The following OPRM1 variants were observed in gnomAD, a reference collection of about 807,000 sequenced individuals.
OPRM1 encodes opioid receptor mu 1, also known as mu-type opioid receptor.
OPRM1 carries 27 observed loss-of-function variants against 31.8 expected under a neutral mutation model. The ratio of observed to expected loss-of-function variants is 0.85; its 90% CI spans 0.63 to 1.17. OPRM1 has a LOEUF of 1.17. Among genes scored for constraint, OPRM1 ranks in the 50% most tolerant of loss-of-function variants. The pLI, the probability that OPRM1 is intolerant of heterozygous loss-of-function variation, is 0.00. For missense variants in OPRM1, 536 were observed against 511.1 expected, an observed-to-expected ratio of 1.05 and a Z score of -0.47; for synonymous variants, 196 against 189.9, an observed-to-expected ratio of 1.03 and a Z score of -0.26.
chr6:154,236,931 C>G (rs558838329), intron 3 of OPRM1, among the ~76,000 whole-genome samples: 4 of 152,140 alleles, frequency 2.6e-5, no homozygotes, highest in Non-Finnish European at 5.9e-5. Flanking sequence ...TTAAAGACAT[C>G]GTTTCAAACA....
At chr6:154,095,868 C>G (rs538286294) in intron 3 of OPRM1, among the ~76,000 whole-genome samples, 1 of 152,158 alleles carries the variant, frequency 6.6e-6, no homozygotes, top group Admixed American at 6.5e-5. Context: ...TCTCCACACA[C>G]GCCCTACACT....
chr6:154,233,640 T>C (rs1312326270), intron 3 of OPRM1, among the ~76,000 whole-genome samples: 2 of 152,168 alleles, frequency 1.3e-5, no homozygotes, highest in Non-Finnish European at 2.9e-5. Flanking sequence ...ATTACGCTAA[T>C]GAGGATGGTT....
chr6:154,181,330 T>C (rs1163190673), intron 3 of OPRM1, among the ~76,000 whole-genome samples: 1 of 152,166 alleles, frequency 6.6e-6, no homozygotes, highest in African/African-American at 2.4e-5. Context: ...CTATGTGACA[T>C]GCACTGTGTT....
In OPRM1 at chr6:154,126,200, A is replaced by C. The variant is rs1562495028; in HGVS notation, c.*7479A>C. On this transcript the variant is annotated 3_prime_UTR_variant, in exon 4 of 4. Coordinates refer to ENST00000330432, the MANE Select transcript of OPRM1 (RefSeq NM_000914.5). Reference sequence around the variant, plus strand: ...CAGAAGATATAGGAGAAGAGAAAAAAAAAAGAGGAAATAAAGAAGACAACT... The same window carrying C: ...CAGAAGATATAGGAGAAGAGAAAAACAAAAGAGGAAATAAAGAAGACAACT... Among the ~76,000 whole-genome samples, 3 of 152,252 alleles carry C rather than the reference A, an allele frequency of 2.0e-5. No individual in the cohort carries two copies. Among genetic ancestry groups the C allele is most frequent in the Admixed American group, 1.3e-4 (2 of 15,288 alleles).
At chr6:154,084,855 G>T (rs1420555450) in intron 1 of OPRM1, among the ~76,000 whole-genome samples, 2 of 151,528 alleles carry the variant, frequency 1.3e-5, no homozygotes, top group Non-Finnish European at 2.9e-5. Flanking sequence ...CATCACCATT[G>T]ACTCTATTGT....
At chr6:154,017,025 GCTTA>G (rs1778043248) in intron 1 of OPRM1, among the ~76,000 whole-genome samples, 1 of 152,102 alleles carries the variant, frequency 6.6e-6, no homozygotes, top group Admixed American at 6.6e-5. Flanking sequence ...TTACTTCTTA[GCTTA>G]CTTTTTCATT....
Position 154,075,031 on chromosome 6 carries a change from C to A in OPRM1, c.291-14795C>A, listed in dbSNP as rs933440554. ...GGCACAATAAATATTTTTAAAAATT[C>A]TTGCCACATTTTAATAAAATTCAGG... On this transcript the variant is annotated intron_variant, in intron 1 of 3. Coordinates refer to ENST00000330432, the MANE Select transcript of OPRM1 (RefSeq NM_000914.5). Among the ~76,000 whole-genome samples, 38 of 151,990 alleles carry A rather than the reference C, an allele frequency of 2.5e-4. 1 individual carries two copies. The highest frequency in any genetic ancestry group is 8.8e-5 in the Non-Finnish European group (6 of 68,000).
In OPRM1 at chr6:154,168,006, A is replaced by G. The variant is rs1799571764; in HGVS notation, c.1164+76534A>G. 4 of 1,611,022 alleles carry G rather than the reference A, an allele frequency of 2.5e-6. No individual in the cohort carries two copies. The highest frequency in any genetic ancestry group is 2.2e-5 in the East Asian group (1 of 44,802). On this transcript the variant is annotated intron_variant, in intron 3 of 3. Coordinates refer to the OPRM1 transcript ENST00000337049. This position sits in a 1 kb window ranked among gnomAD's most constrained non-coding sequence, Gnocchi z 4.1. ...CACCGCTTAACAAAGGATTTTCTCAACTCCTTTTTAGTCGAAGGTCGTCGG... is the reference window on the plus strand; with the variant it reads ...CACCGCTTAACAAAGGATTTTCTCAGCTCCTTTTTAGTCGAAGGTCGTCGG...
rs995342581 is a variant in OPRM1, at chr6:154,131,941, G to T, written c.*13220G>T. On this transcript the variant is annotated 3_prime_UTR_variant, in exon 4 of 4. Transcript: ENST00000330432. ...TCTGGGAGTTTTTCTATAAGTTTTT[G>T]GTTTTTTTTTTTTTTTCTCTTCATT... Among the ~76,000 whole-genome samples, 4 of 108,022 alleles carry T rather than the reference G, an allele frequency of 3.7e-5. No individual in the cohort carries two copies. Among genetic ancestry groups the T allele is most frequent in the Non-Finnish European group, 5.8e-5 (3 of 51,740 alleles). The allele number at this position is 108,022 out of a possible 152,430, so 70.9% of individuals were successfully genotyped here.
intron 3 of OPRM1, among the ~76,000 whole-genome samples, chr6:154,106,378 G>A (rs1795575835): frequency 6.6e-6 from 1 of 152,192 alleles, no homozygotes; most frequent in Non-Finnish European, 1.5e-5. Flanking sequence ...GAACACTCCA[G>A]GCAGAAGTGC....
intron 3 of OPRM1, among the ~76,000 whole-genome samples, chr6:154,167,123 C>T (rs1362053481): frequency 6.6e-6 from 1 of 152,124 alleles, no homozygotes; most frequent in Non-Finnish European, 1.5e-5. Context: ...TGCCAAAGGC[C>T]ACAGACAAAA....
At chr6:154,102,654 C>G (rs1027543712) in intron 3 of OPRM1, among the ~76,000 whole-genome samples, 2 of 152,116 alleles carry the variant, frequency 1.3e-5, no homozygotes, top group African/African-American at 4.8e-5. Context: ...CCACCCATCT[C>G]CCACTGTGAT....
intron 1 of OPRM1, among the ~76,000 whole-genome samples, chr6:154,028,361 G>A (rs1280533478): frequency 6.6e-6 from 1 of 152,128 alleles, no homozygotes; most frequent in Non-Finnish European, 1.5e-5. Context: ...GCAACACGAA[G>A]TCCTCCCCAC....
chr6:154,231,930 C>T (rs982533906), intron 3 of OPRM1, among the ~76,000 whole-genome samples: 1 of 152,170 alleles, frequency 6.6e-6, no homozygotes, highest in African/African-American at 2.4e-5. Flanking sequence ...TAGCCCCACA[C>T]AAATAATCAT....
At chr6:154,071,331 A>T (rs1205400458) in intron 1 of OPRM1, among the ~76,000 whole-genome samples, 1 of 152,212 alleles carries the variant, frequency 6.6e-6, no homozygotes, top group Non-Finnish European at 1.5e-5. Context: ...GGATAAGTAT[A>T]TATGCCAAGA....
rs1218013992 is a variant in OPRM1, at chr6:154,212,941, C to T, written c.1165-33752C>T. ...TGAGCAGAGGTTTATCTCCATCTGG[C>T]TATTGCAATTTCAATCCAATTCAGA... On this transcript the variant is annotated intron_variant, in intron 3 of 3. Transcript: ENST00000337049. 3.3e-6 allele frequency: 3 copies of T among 905,464 alleles called. No individual in the cohort carries two copies. In the African/African-American group the frequency reaches 4.9e-5, roughly 15 times the overall value. The allele number at this position is 905,464 out of a possible 1,614,324, so 56.1% of individuals were successfully genotyped here. A position where few individuals can be genotyped will look rare whatever the true frequency, so the allele number is the denominator to read the frequency against.
chr6:154,092,801 G>A (rs1254514966), intron 3 of OPRM1, among the ~76,000 whole-genome samples: 2 of 152,188 alleles, frequency 1.3e-5, no homozygotes, highest in East Asian at 3.8e-4. Context: ...AGGGAACACA[G>A]GAACTCACAC....
intron 1 of OPRM1, among the ~76,000 whole-genome samples, chr6:154,051,524 T>C (rs1435661859): frequency 6.6e-6 from 1 of 152,218 alleles, no homozygotes; most frequent in Non-Finnish European, 1.5e-5. Flanking sequence ...CTTTGCTCAG[T>C]CTTTCCTATA....
intron 3 of OPRM1, among the ~76,000 whole-genome samples, chr6:154,103,483 C>A (rs1795158383): frequency 6.6e-6 from 1 of 152,148 alleles, no homozygotes; most frequent in East Asian, 1.9e-4. Context: ...ATAGATTTGA[C>A]AAGCTCTTAC....
Sources: allele counts gnomAD v4.1 joint callset (sites outside exome capture counted in the v4.1 genomes callset), GRCh38; gene constraint gnomAD v4.1.1; non-coding constraint Gnocchi (gnomAD v3.1); transcripts MANE v1.5; gene names NCBI Gene and HGNC (gene_info 2026-07-23, HGNC 2026-07-21).